MCF2L: variants seen among roughly 807,000 people sequenced by gnomAD.
The protein encoded by MCF2L is MCF.2 cell line derived transforming sequence like.
MCF2L carries 97 observed loss-of-function variants against 153.4 expected under a neutral mutation model. The observed-to-expected ratio is 0.63, with a 90% confidence interval of 0.54 to 0.75. The LOEUF (loss-of-function observed/expected upper bound fraction) is 0.75, where lower values mean the gene tolerates loss of function less well. Among genes scored for constraint, MCF2L ranks in the 30% least tolerant of loss-of-function variants. The probability of loss-of-function intolerance (pLI) is 0.00; values close to 1 mark genes in which losing one functional copy is unlikely to be tolerated. For synonymous variants in MCF2L, 659 were observed against 632.2 expected (o/e 1.04, Z -0.64); for missense variants, 1,347 against 1,495.2 (o/e 0.90, Z 1.64).
At chr13:112,925,315 C>G (rs539041860) in intron 2 of MCF2L, among the ~76,000 whole-genome samples, 1 of 152,332 alleles carries the variant, frequency 6.6e-6, no homozygotes, top group East Asian at 1.9e-4. Flanking sequence ...GCTATGACCA[C>G]TTTGGAAAAC....
chr13:113,096,533 A>G lies in MCF2L; in HGVS notation c.3189-17A>G. 1 of 1,594,126 alleles carries G rather than the reference A, an allele frequency of 6.3e-7. No homozygotes were observed. The highest frequency in any genetic ancestry group is 8.5e-7 in the Non-Finnish European group (1 of 1,172,150). ...ACTGCCCCGCACGTGGCTGCCGCTG[A>G]CCCTCGCCCCTTGCAGGTACGTCAG... On this transcript the variant is annotated splice_polypyrimidine_tract_variant and intron_variant, in intron 28 of 29. Coordinates refer to ENST00000535094, the MANE Select transcript of MCF2L (RefSeq NM_001112732.3).
intron 2 of MCF2L, among the ~76,000 whole-genome samples, chr13:112,915,370 C>G (rs1346659575): frequency 7.8e-6 from 1 of 128,396 alleles, no homozygotes; most frequent in Non-Finnish European, 1.6e-5. Context: ...GATTGCGCCA[C>G]TGCACTCCAG....
intron 4 of MCF2L, 62 bp from the exon 5 acceptor site, chr13:113,060,531 A>G (rs975605643): frequency 3.1e-6 from 5 of 1,594,490 alleles, no homozygotes; most frequent in Admixed American, 1.7e-5. Context: ...CAGGCACCGC[A>G]CTAGGGGGGC....
chr13:113,013,811 G>A (rs927166389), intron 1 of MCF2L, among the ~76,000 whole-genome samples: 11 of 152,366 alleles, frequency 7.2e-5, no homozygotes. Flanking sequence ...AGTGGTCAGT[G>A]TCCCCCAGGC....
rs760575369 is a variant in MCF2L, at chr13:113,087,768, A to G, written c.2657A>G (p.Tyr886Cys). 1.9e-6 allele frequency: 3 copies of G among 1,614,024 alleles called. No individual in the cohort carries two copies. The highest frequency in any genetic ancestry group is 2.7e-5 in the African/African-American group (2 of 74,942). The change falls in exon 23 of 30, where the codon TAC becomes TGC. Residue 886 changes from tyrosine (Y) to cysteine (C), a missense_variant. Physicochemically the swap from Tyr to Cys is radical, Grantham distance 194 (BLOSUM62 -2). Transcript: ENST00000535094. ...KGDAKKFEIW[Y>C]NAREEVYIVQ... ...GATGCTAAGAAGTTCGAGATCTGGT[A>G]CAACGCGCGCGAGGAGGTCTACATC... is the stretch of plus-strand genomic sequence containing the variant.
Position 113,046,735 on chromosome 13 carries a change from C to T in MCF2L, c.369+1374C>T, listed in dbSNP as rs1443236764. 1.7e-5 allele frequency: 8 copies of T among 484,338 alleles called. No individual in the cohort carries two copies. Among genetic ancestry groups the T allele is most frequent in the Non-Finnish European group, 3.0e-5 (7 of 235,304 alleles). The allele number at this position is 484,338 out of a possible 1,614,324, so 30.0% of individuals were successfully genotyped here. A position where few individuals can be genotyped will look rare whatever the true frequency, so the allele number is the denominator to read the frequency against. The stretch of plus-strand genomic sequence containing the variant: ...ACCCCCACGGCACCTCTCTGCCCCT[C>T]GCCGCGGCGGATCCCCGTTCCTGAC... On this transcript the variant is annotated intron_variant, in intron 4 of 29. Coordinates refer to ENST00000535094, the MANE Select transcript of MCF2L (RefSeq NM_001112732.3). This position sits in a 1 kb window ranked among gnomAD's most constrained non-coding sequence, Gnocchi z 4.4.
rs180713485 is a variant in MCF2L, at chr13:112,979,694, A to G, written c.79+10236A>G. ...TGGCCGAGAAGGGAGCATCCCGGGG[A>G]ACCCTGCGGCGGCTGTGGTCACTGC... On this transcript the variant is annotated intron_variant, in intron 1 of 29. Transcript: ENST00000535094. 14 of 1,612,892 alleles carry G rather than the reference A, an allele frequency of 8.7e-6. No homozygotes were observed. The African/African-American group carries it at 1.3e-4, about 15-fold the overall frequency.
chr13:112,981,095 G>T (rs530086584), intron 1 of MCF2L, among the ~76,000 whole-genome samples: 1 of 149,990 alleles, frequency 6.7e-6, no homozygotes, highest in Non-Finnish European at 1.5e-5. Flanking sequence ...ACCCCGACAC[G>T]TCCCTTCCTG....
intron 2 of MCF2L, among the ~76,000 whole-genome samples, chr13:113,020,337 A>G (rs1024849377): frequency 6.6e-6 from 1 of 152,236 alleles, no homozygotes; most frequent in Non-Finnish European, 1.5e-5. Flanking sequence ...AAAGCAGGAC[A>G]CACGTGTGAG....
At chr13:113,056,488 TGCTGAGTGTTTCGGC>T (rs950960722) in intron 4 of MCF2L, among the ~76,000 whole-genome samples, 7 of 130,176 alleles carry the variant, frequency 5.4e-5, no homozygotes, top group African/African-American at 2.1e-4. Context: ...AGTGTTTGGG[TGCTGAGTGTTTCGGC>T]GCTGAGTGGG....
At chr13:113,065,179 G>C (rs770277338) in intron 7 of MCF2L, 94 bp downstream of exon 7, 5 of 1,481,632 alleles carry the variant, frequency 3.4e-6, no homozygotes, top group Admixed American at 1.7e-5. Flanking sequence ...GGGGTCTTTC[G>C]TCCCAGCGGG....
rs2087557996 is a variant in MCF2L, at chr13:113,054,074, G to A, written c.370-6519G>A. On this transcript the variant is annotated intron_variant, in intron 4 of 29. Transcript: ENST00000535094. This position sits in a 1 kb window ranked among gnomAD's most constrained non-coding sequence, Gnocchi z 5.2. ...TTCTGGGGCTTGGCTTGAGCTGCGG[G>A]GTGAGTGTGGGAGAGACGGCGAGCT... 2.0e-5 allele frequency among the ~76,000 whole-genome samples: 3 copies of A among 152,106 alleles called. No individual in the cohort carries two copies. The South Asian group carries it at 6.2e-4, about 32-fold the overall frequency.
chr13:113,086,063 G>A (rs2034609551), intron 20 of MCF2L, 61 bp from the exon 21 acceptor site: 1 of 1,554,348 alleles, frequency 6.4e-7, no homozygotes, highest in African/African-American at 1.4e-5. Context: ...TGAGGGGTCT[G>A]TTCCAGGGGA....
intron 26 of MCF2L, chr13:113,094,210 G>C (rs1380869730): frequency 4.8e-6 from 1 of 207,782 alleles, no homozygotes; most frequent in African/African-American, 2.3e-5. Context: ...TTCCCTCCTG[G>C]CTGAGGGGCA....
Position 112,943,552 on chromosome 13 carries a change from C to T in MCF2L, c.169+41181C>T, listed in dbSNP as rs2081599495. 6.6e-6 allele frequency among the ~76,000 whole-genome samples: 1 copy of T among 152,064 alleles called. No homozygotes were observed. Among genetic ancestry groups the T allele is most frequent in the Non-Finnish European group, 1.5e-5 (1 of 67,978 alleles). On this transcript the variant is annotated intron_variant, in intron 2 of 29. Transcript: ENST00000375608. The surrounding 1 kb of genome is among the most constrained non-coding windows in gnomAD (Gnocchi z 4.2). ...CAGGGAGGCTGCGCCTGCAGCACCG[C>T]AGCCAGAGCCGAGACTCCGCGCCTT...
chr13:113,069,842 C>T (rs951226490), intron 8 of MCF2L, among the ~76,000 whole-genome samples: 1 of 152,224 alleles, frequency 6.6e-6, no homozygotes, highest in Non-Finnish European at 1.5e-5. Context: ...AAGGACACAG[C>T]CCCTGATGCT....
At chr13:112,976,824 A>G (rs954924311) in intron 1 of MCF2L, among the ~76,000 whole-genome samples, 2 of 152,176 alleles carry the variant, frequency 1.3e-5, no homozygotes, top group African/African-American at 4.8e-5. Context: ...GGGCAGCGGG[A>G]AACCTGGAGA....
chr13:113,057,928 G>GT (rs1457600738), intron 4 of MCF2L, among the ~76,000 whole-genome samples: 8 of 141,872 alleles, frequency 5.6e-5, no homozygotes, highest in South Asian at 2.4e-4. Context: ...GGTGCTGAGT[G>GT]TTGGGTGCTG....
chr13:112,909,260 G>A (rs371178970), intron 2 of MCF2L: 20 of 779,598 alleles, frequency 2.6e-5, no homozygotes, highest in South Asian at 9.4e-5. Flanking sequence ...CAGAGGTCTC[G>A]GCATCTCGTC....
Sources: gnomAD v4.1 joint callset for allele counts (sites outside exome capture counted in the v4.1 genomes callset) on GRCh38, gnomAD v4.1.1 for gene constraint, Gnocchi (gnomAD v3.1) non-coding constraint, MANE v1.5 for transcripts, NCBI Gene and HGNC (gene_info 2026-07-23, HGNC 2026-07-21) for gene names.